NUP98: variants seen among roughly 807,000 people sequenced by gnomAD.
The protein encoded by NUP98 is nuclear pore complex protein Nup98-Nup96.
NUP98 carries 26 observed loss-of-function variants against 191.9 expected under a neutral mutation model. That is an observed-to-expected ratio of 0.14 (90% CI 0.10 to 0.19). The LOEUF is 0.19. NUP98 is among the 10% of genes least tolerant of loss of function. NUP98 has a pLI of 1.00. For missense variants in NUP98, 1,941 were observed against 2,178.8 expected (o/e 0.89, Z 2.17); for synonymous variants, 808 against 778.4 (o/e 1.04, Z -0.63).
At chr11:3,791,964 G>A (rs1183049765) in intron 1 of NUP98, among the ~76,000 whole-genome samples, 2 of 151,634 alleles carry the variant, frequency 1.3e-5, no homozygotes, top group Non-Finnish European at 2.9e-5. Context: ...CGGATCACGA[G>A]GTCAGGAGAT....
intron 1 of NUP98, among the ~76,000 whole-genome samples, chr11:3,794,152 G>A (rs2082450701): frequency 6.6e-6 from 1 of 151,984 alleles, no homozygotes; most frequent in Non-Finnish European, 1.5e-5. Context: ...ATACAACAGA[G>A]CCCCCACGAT....
chr11:3,756,065 T>C (rs140285387), intron 10 of NUP98, among the ~76,000 whole-genome samples: 2 of 152,224 alleles, frequency 1.3e-5, no homozygotes, highest in Non-Finnish European at 2.9e-5. Context: ...ATTCTTCTAA[T>C]AGCTATGCCA....
intron 22 of NUP98, among the ~76,000 whole-genome samples, chr11:3,704,068 A>C (rs1464014987): frequency 6.6e-6 from 1 of 152,218 alleles, no homozygotes; most frequent in Non-Finnish European, 1.5e-5. Flanking sequence ...ATATTATTGA[A>C]GTACCAGATT....
intron 3 of NUP98, 29 bp from the exon 4 acceptor site, chr11:3,779,078 T>TTAAG (rs2081857931): frequency 6.2e-7 from 1 of 1,613,846 alleles, no homozygotes; most frequent in Admixed American, 1.7e-5. Context: ...AGGGAAAAAG[T>TTAAG]TAAGTACATC....
chr11:3,694,199 C>T (rs755249248), intron 26 of NUP98, among the ~76,000 whole-genome samples: 3 of 151,752 alleles, frequency 2.0e-5, no homozygotes, highest in Admixed American at 6.6e-5. Context: ...TGGGGAAACC[C>T]GTCTCTACTA....
At chr11:3,787,674 C>T (rs904410112) in intron 1 of NUP98, among the ~76,000 whole-genome samples, 21 of 151,308 alleles carry the variant, frequency 1.4e-4, no homozygotes, top group African/African-American at 4.8e-4. Flanking sequence ...GACTGCCGCA[C>T]ACCCTTAAAC....
rs567863808 is a variant in NUP98 at position 3,682,346 on chromosome 11, C to G, written c.4918+854G>C. 2.0e-5 allele frequency among the ~76,000 whole-genome samples: 3 copies of G among 152,330 alleles called. No homozygotes were observed. The East Asian group carries it at 5.8e-4, about 29-fold the overall frequency. On this transcript the variant is annotated intron_variant, in intron 30 of 32. Coordinates refer to ENST00000324932, the MANE Select transcript of NUP98 (RefSeq NM_016320.5). ...TTGGCAAAGAGGCTTATCTTTTGTC[C>G]TATCTTGGCTTTCAACATGCTTCTC...
At chr11:3,739,169 T>C (rs1270643113) in intron 12 of NUP98, among the ~76,000 whole-genome samples, 1 of 152,138 alleles carries the variant, frequency 6.6e-6, no homozygotes, top group African/African-American at 2.4e-5. Context: ...CAAAAAGCTA[T>C]ACAAGTAAAA....
intron 8 of NUP98, among the ~76,000 whole-genome samples, chr11:3,767,911 T>C (rs1165807956): frequency 3.9e-5 from 6 of 152,188 alleles, no homozygotes; most frequent in South Asian, 4.1e-4. Flanking sequence ...TTCTGAAATA[T>C]AGTCAGTAAT....
intron 25 of NUP98, among the ~76,000 whole-genome samples, chr11:3,696,147 C>T (rs2078497221): frequency 6.6e-6 from 1 of 152,048 alleles, no homozygotes; most frequent in Non-Finnish European, 1.5e-5. Context: ...GCCAAGATCG[C>T]ACCATTGCAC....
At chr11:3,770,042 C>A (rs1411612949) in intron 7 of NUP98, among the ~76,000 whole-genome samples, 79 of 129,134 alleles carry the variant, frequency 6.1e-4, no homozygotes, top group Admixed American at 6.4e-4. Flanking sequence ...AACTCCATCT[C>A]AAAAAAAAAA....
At chr11:3,710,557 A>C (rs1280028302) in intron 20 of NUP98, among the ~76,000 whole-genome samples, 1 of 152,204 alleles carries the variant, frequency 6.6e-6, no homozygotes, top group African/African-American at 2.4e-5. Flanking sequence ...AGAAAAAAAG[A>C]AGCTGAAGTT....
In NUP98 at chr11:3,720,739, C is replaced by T; in HGVS notation, c.2233G>A (p.Val745Ile). Residue 745 changes from valine (V) to isoleucine (I), a missense_variant, in exon 17 of 33, where the codon GTC (valine) becomes ATC (isoleucine). This residue lies in a region of NUP98 where 453 missense variants were observed against 438.2 expected (regional missense o/e 1.03). Transcript: ENST00000324932. ...KITNEKGECI[V>I]SDFTIGRKGY... is the part of the protein sequence containing the mutation. ...TTCCGACCAATAGTGAAATCAGAGA[C>T]AATGCACTCTCCTTTTTCATTGGTA... The T allele has an allele frequency of 6.3e-7, 1 of 1,579,580 alleles. No homozygotes were observed. The highest frequency in any genetic ancestry group is 1.4e-5 in the African/African-American group (1 of 71,756).
At chr11:3,791,706 G>C (rs987679595) in intron 1 of NUP98, among the ~76,000 whole-genome samples, 1 of 151,794 alleles carries the variant, frequency 6.6e-6, no homozygotes, top group Non-Finnish European at 1.5e-5. Flanking sequence ...AGCCATGTGT[G>C]GTGGCACCTG....
intron 31 of NUP98, among the ~76,000 whole-genome samples, chr11:3,677,409 G>GGT (rs1236058385): frequency 1.1e-5 from 1 of 91,618 alleles, no homozygotes; most frequent in Admixed American, 1.7e-4. Flanking sequence ...ATGTAACATA[G>GGT]GTTTTTTTTT....
At chr11:3,721,744 A>C (rs918952845) in intron 16 of NUP98, among the ~76,000 whole-genome samples, 2 of 152,070 alleles carry the variant, frequency 1.3e-5, no homozygotes, top group Non-Finnish European at 2.9e-5. Flanking sequence ...AGAAAGAATA[A>C]ATTAAAATAG....
At chr11:3,726,195 G>T (rs1384109805) in intron 14 of NUP98, among the ~76,000 whole-genome samples, 1 of 151,404 alleles carries the variant, frequency 6.6e-6, no homozygotes, top group African/African-American at 2.4e-5. Context: ...TCATCTAGAA[G>T]TTAATAACAA....
At chr11:3,742,238 G>GA (rs780657848) in intron 12 of NUP98, among the ~76,000 whole-genome samples, 12 of 152,096 alleles carry the variant, frequency 7.9e-5, no homozygotes, top group Non-Finnish European at 1.6e-4. Context: ...GGGAAAATAG[G>GA]AATCAGAAAC....
intron 28 of NUP98, among the ~76,000 whole-genome samples, chr11:3,690,977 A>T (rs1268629959): frequency 6.6e-6 from 1 of 152,230 alleles, no homozygotes; most frequent in Admixed American, 6.5e-5. Context: ...CAGCAAAACT[A>T]ACTTATAGTA....
Sources: allele counts gnomAD v4.1 joint callset (sites outside exome capture counted in the v4.1 genomes callset), GRCh38; gene constraint gnomAD v4.1.1; regional missense constraint gnomAD v4.1.1; transcripts MANE v1.5; gene names NCBI Gene and HGNC (gene_info 2026-07-23, HGNC 2026-07-21).